Variants in ROBO2 observed in about 807,000 individuals in gnomAD.
The protein encoded by ROBO2 is roundabout guidance receptor 2.
A neutral mutation model predicts 160.8 loss-of-function variants in ROBO2; 53 were observed. That is an observed-to-expected ratio of 0.33 (90% CI 0.26 to 0.41). ROBO2 has a LOEUF of 0.41. Ranked by LOEUF, ROBO2 falls within the 10% of genes least tolerant of loss-of-function variation. ROBO2 has a pLI of 1.00. For missense variants in ROBO2, 1,577 were observed against 1,722.4 expected, an observed-to-expected ratio of 0.92 and a Z score of 1.49; for synonymous variants, 664 against 611.7, an observed-to-expected ratio of 1.09 and a Z score of -1.26.
At chr3:76,243,186 C>T (rs532006485) in intron 2 of ROBO2, among the ~76,000 whole-genome samples, 1 of 152,194 alleles carries the variant, frequency 6.6e-6, no homozygotes, top group South Asian at 2.1e-4. Context: ...ACTTTGGTAT[C>T]CTCTCGCGGC....
chr3:76,486,504 C>T (rs2079506182), intron 2 of ROBO2, among the ~76,000 whole-genome samples: 1 of 152,040 alleles, frequency 6.6e-6, no homozygotes, highest in African/African-American at 2.4e-5. Flanking sequence ...TTTTTGAGGT[C>T]TTTGCAGGAT....
chr3:77,013,498 A>G (rs1019530658), intron 2 of ROBO2, among the ~76,000 whole-genome samples: 4 of 152,174 alleles, frequency 2.6e-5, no homozygotes, highest in African/African-American at 9.7e-5. Flanking sequence ...ATACCTAAAT[A>G]CATCAAAAAC....
At chr3:77,640,895 A>T (rs1235141865) in intron 24 of ROBO2, among the ~76,000 whole-genome samples, 1 of 152,220 alleles carries the variant, frequency 6.6e-6, no homozygotes, top group African/African-American at 2.4e-5. Context: ...TTTAGGTTAA[A>T]TTAAATAATA....
chr3:76,073,325 G>A (rs2068531374), intron 2 of ROBO2, among the ~76,000 whole-genome samples: 2 of 99,796 alleles, frequency 2.0e-5, no homozygotes, highest in South Asian at 3.5e-4. Flanking sequence ...ACGGAGTCTC[G>A]CTCTGTCACC....
chr3:76,109,796 A>G (rs7632601), intron 2 of ROBO2, among the ~76,000 whole-genome samples: 67,959 of 151,546 alleles, frequency 0.45, 16,743 homozygotes, highest in African/African-American at 0.67. Context: ...CCAGTGGACA[A>G]TTTTTCATCC....
chr3:76,547,078 A>G (rs1248231861), intron 2 of ROBO2, among the ~76,000 whole-genome samples: 1 of 152,018 alleles, frequency 6.6e-6, no homozygotes, highest in East Asian at 1.9e-4. Flanking sequence ...TCCAGAAATC[A>G]AAAATTTTCC....
At chr3:76,555,358 GAGAAGAAGAAGA>G (rs58339602) in intron 2 of ROBO2, among the ~76,000 whole-genome samples, 686 of 57,956 alleles carry the variant, frequency 0.012, 17 homozygotes, top group African/African-American at 0.016. Context: ...AGTAGGAAGA[GAGAAGAAGAAGA>G]AGAAGAAGAA....
At chr3:76,457,115 C>T (rs1028376968) in intron 2 of ROBO2, among the ~76,000 whole-genome samples, 13 of 152,176 alleles carry the variant, frequency 8.5e-5, no homozygotes, top group African/African-American at 3.1e-4. Context: ...ACCATGCCTT[C>T]CTAGTAGTCC....
intron 2 of ROBO2, among the ~76,000 whole-genome samples, chr3:76,860,872 G>T (rs2070702385): frequency 6.6e-6 from 1 of 151,978 alleles, no homozygotes; most frequent in African/African-American, 2.4e-5. Context: ...TCTTTCACTT[G>T]TTAAAAACTG....
At chr3:77,597,714 A>G (rs1204633891) in intron 19 of ROBO2, among the ~76,000 whole-genome samples, 1 of 26,182 alleles carries the variant, frequency 3.8e-5, no homozygotes, top group Non-Finnish European at 8.3e-5. Flanking sequence ...AAAAGTATGG[A>G]AAAAAAAAAG....
At chr3:76,212,796 AC>A (rs942854897) in intron 2 of ROBO2, among the ~76,000 whole-genome samples, 65 of 151,988 alleles carry the variant, frequency 4.3e-4, no homozygotes, top group African/African-American at 1.5e-3. Context: ...CCTTAATGTC[AC>A]ATCTTAAGGT....
chr3:76,532,357 A>T (rs1221734748), intron 2 of ROBO2, among the ~76,000 whole-genome samples: 1 of 152,204 alleles, frequency 6.6e-6, no homozygotes, highest in Non-Finnish European at 1.5e-5. Flanking sequence ...CTTACTTGAC[A>T]TGCACACTTT....
At chr3:76,257,704 T>C (rs1706488299) in intron 2 of ROBO2, among the ~76,000 whole-genome samples, 1 of 151,930 alleles carries the variant, frequency 6.6e-6, no homozygotes, top group Admixed American at 6.6e-5. Context: ...GCACAATTCC[T>C]TTCTCTCACT....
intron 2 of ROBO2, among the ~76,000 whole-genome samples, chr3:77,244,335 A>C (rs561669680): frequency 6.6e-6 from 1 of 152,220 alleles, no homozygotes; most frequent in Non-Finnish European, 1.5e-5. Flanking sequence ...AGGGGAAGAC[A>C]GTAGTTGTCA....
intron 2 of ROBO2, among the ~76,000 whole-genome samples, chr3:76,483,575 C>G (rs188159753): frequency 1.1e-4 from 17 of 152,240 alleles, no homozygotes; most frequent in Non-Finnish European, 1.9e-4. Flanking sequence ...ATGTTAAAGT[C>G]TACATCACAC....
At chr3:76,112,135 T>G (rs1478688800) in intron 2 of ROBO2, among the ~76,000 whole-genome samples, 1 of 152,130 alleles carries the variant, frequency 6.6e-6, no homozygotes, top group African/African-American at 2.4e-5. Flanking sequence ...CCCTTATTCA[T>G]CACAGCCCCA....
At chr3:77,439,642 G>C (rs188461032) in intron 2 of ROBO2, among the ~76,000 whole-genome samples, 1 of 152,120 alleles carries the variant, frequency 6.6e-6, no homozygotes, top group South Asian at 2.1e-4. Context: ...AAGAGAAGAC[G>C]CATGCTAACC....
chr3:77,359,125 T>G (rs1249643639), intron 2 of ROBO2, among the ~76,000 whole-genome samples: 1 of 152,210 alleles, frequency 6.6e-6, no homozygotes, highest in East Asian at 1.9e-4. Context: ...TAAATAGGAA[T>G]CAAATGTTCT....
chr3:76,890,289 T>C (rs2074248659), intron 2 of ROBO2, among the ~76,000 whole-genome samples: 1 of 152,116 alleles, frequency 6.6e-6, no homozygotes. Context: ...GAATAGGAAA[T>C]TGAGGCTAAG....
Sources: allele counts gnomAD v4.1 joint callset (sites outside exome capture counted in the v4.1 genomes callset), GRCh38; gene constraint gnomAD v4.1.1; transcripts MANE v1.5; gene names NCBI Gene and HGNC (gene_info 2026-07-23, HGNC 2026-07-21).